USP15: variants seen among roughly 807,000 people sequenced by gnomAD.
The protein encoded by USP15 is ubiquitin specific peptidase 15, also known as ubiquitin carboxyl-terminal hydrolase 15.
In USP15, 18 loss-of-function variants were observed where a neutral mutation model predicts 127.1. The observed-to-expected ratio is 0.14, with a 90% CI of 0.10 to 0.21. The LOEUF is 0.21. Ranked by LOEUF, USP15 falls within the 10% of genes least tolerant of loss-of-function variation. The pLI, the probability that USP15 is intolerant of heterozygous loss-of-function variation, is 1.00. For missense variants in USP15, 805 were observed against 1,159.9 expected, an observed-to-expected ratio of 0.69 and a Z score of 4.44; for synonymous variants, 364 against 393.7, an observed-to-expected ratio of 0.92 and a Z score of 0.89.
At position 62,384,115 on chromosome 12, in the gene USP15, G is replaced by T; in HGVS notation, c.1286G>T (p.Arg429Leu). Residue 429 changes from arginine to leucine, a missense_variant, in exon 11 of 22, where the codon CGA (arginine) becomes CTA (leucine). Physicochemically the swap from Arg to Leu is moderately radical, Grantham distance 102. Around this residue, in one of 11 missense-constraint regions of USP15, gnomAD observed 84 missense variants for 210.3 expected, o/e 0.40. Transcript: ENST00000280377. ...GAAGCCTGGGAAAACCATTTAAAAC[G>T]AAATGATTCTATCATAGTAGATATA... is the stretch of plus-strand genomic sequence containing the variant. ...AEEAWENHLK[R>L]NDSIIVDIFH... 1 of 1,612,648 alleles carries T rather than the reference G, an allele frequency of 6.2e-7. No homozygotes were observed. Among genetic ancestry groups the T allele is most frequent in the Admixed American group, 1.7e-5 (1 of 59,926 alleles).
At chr12:62,361,176 A>C (rs1010652435) in intron 8 of USP15, among the ~76,000 whole-genome samples, 4 of 152,170 alleles carry the variant, frequency 2.6e-5, no homozygotes, top group African/African-American at 9.6e-5. Context: ...GTTCACAACT[A>C]GGGGAAAAAT....
chr12:62,298,918 C>T (rs538174632), intron 2 of USP15, among the ~76,000 whole-genome samples: 23 of 150,822 alleles, frequency 1.5e-4, no homozygotes, highest in South Asian at 6.3e-4. Flanking sequence ...TCTACATTCA[C>T]GAAGCCCAAA....
intron 19 of USP15, 87 bp from the exon 20 acceptor site, chr12:62,396,202 ATATATG>A: frequency 1.3e-6 from 1 of 777,644 alleles, no homozygotes; most frequent in Admixed American, 3.0e-5. Context: ...ATATAGATAT[ATATATG>A]TATGTCAAAC....
intron 1 of USP15, among the ~76,000 whole-genome samples, chr12:62,291,694 G>A (rs2063974560): frequency 6.6e-6 from 1 of 152,184 alleles, no homozygotes. Flanking sequence ...GGATGTGACT[G>A]TAATGTATGT....
chr12:62,393,353 A>C, intron 19 of USP15, 151 bp downstream of exon 19: 2 of 766,922 alleles, frequency 2.6e-6, no homozygotes, highest in Non-Finnish European at 3.8e-6. Flanking sequence ...ACAGTTTATA[A>C]GGATCAGTGT....
chr12:62,378,554 G>C (rs558921906), intron 8 of USP15, among the ~76,000 whole-genome samples: 45 of 152,080 alleles, frequency 3.0e-4, no homozygotes, highest in Non-Finnish European at 5.4e-4. Flanking sequence ...GTTGTTATTT[G>C]TTAACATTGA....
rs1269493128 is a variant in USP15 at position 62,302,866 on chromosome 12, T to C, written c.294T>C (p.Asn98=). The change falls in exon 3 of 22, where the codon AAT becomes AAC. Residue 98 remains asparagine (N), a synonymous_variant. Coordinates refer to ENST00000280377, the MANE Select transcript of USP15 (RefSeq NM_001252078.2). ...DYILLPTEGW[N]KLVSWYTLME... ...TACTGTTGCCAACTGAAGGTTGGAA[T>C]AAACTTGTCAGCTGGTACACATTGA... 2.5e-6 allele frequency: 4 copies of C among 1,613,032 alleles called. No individual in the cohort carries two copies. The highest frequency in any genetic ancestry group is 3.4e-6 in the Non-Finnish European group (4 of 1,179,352).
chr12:62,321,961 G>A (rs539284465), intron 5 of USP15, among the ~76,000 whole-genome samples: 2 of 152,248 alleles, frequency 1.3e-5, no homozygotes, highest in African/African-American at 4.8e-5. Context: ...AGGCCATAAA[G>A]TAGCATCTAA....
intron 6 of USP15, among the ~76,000 whole-genome samples, chr12:62,342,593 G>T (rs1228158519): frequency 2.6e-5 from 4 of 151,986 alleles, no homozygotes; most frequent in Admixed American, 6.6e-5. Flanking sequence ...GGTTTTTATT[G>T]GGGGGTCTTT....
chr12:62,354,235 G>A (rs79347155), intron 7 of USP15, among the ~76,000 whole-genome samples: 3,341 of 151,424 alleles, frequency 0.022, 124 homozygotes, highest in African/African-American at 0.075. Flanking sequence ...CGTCCTATAT[G>A]GAATAATAAA....
chr12:62,355,272 T>A, intron 7 of USP15, 59 bp from the exon 8 acceptor site: 1 of 1,433,130 alleles, frequency 7.0e-7, no homozygotes, highest in Non-Finnish European at 9.4e-7. Flanking sequence ...TAAAGTACTC[T>A]TTATTATAAA....
At chr12:62,389,205 T>C (rs1222629374) in intron 11 of USP15, among the ~76,000 whole-genome samples, 2 of 151,978 alleles carry the variant, frequency 1.3e-5, no homozygotes, top group Non-Finnish European at 2.9e-5. Context: ...TTGACTGAGG[T>C]TGAATTAATG....
chr12:62,333,490 G>A (rs1305819090), intron 6 of USP15, among the ~76,000 whole-genome samples: 3 of 151,948 alleles, frequency 2.0e-5, no homozygotes, highest in Non-Finnish European at 4.4e-5. Context: ...TAAAGATGGG[G>A]TTTCACCATG....
intron 5 of USP15, among the ~76,000 whole-genome samples, chr12:62,324,679 A>G (rs750235155): frequency 6.6e-6 from 1 of 152,006 alleles, no homozygotes; most frequent in Non-Finnish European, 1.5e-5. Flanking sequence ...TATGGTACAA[A>G]TACACTTTTT....
intron 6 of USP15, chr12:62,327,834 T>TC (rs1323193641): frequency 3.7e-6 from 1 of 267,322 alleles, no homozygotes; most frequent in Non-Finnish European, 7.4e-6. Flanking sequence ...TTTCACTGGA[T>TC]CTACTAGTTG....
chr12:62,399,271 G>T (rs1273443756), intron 20 of USP15, among the ~76,000 whole-genome samples: 1 of 152,214 alleles, frequency 6.6e-6, no homozygotes, highest in Non-Finnish European at 1.5e-5. Flanking sequence ...CAGAGGTCCT[G>T]TGTAGCTGGA....
chr12:62,294,219 T>C lies in USP15; in HGVS notation c.130T>C (p.Tyr44His). The part of the protein sequence containing the change: ...DSRWFKQWKK[Y>H]VGFDSWDKYQ... Reference sequence around the variant, plus strand: ...TCGCTGGTTCAAACAGTGGAAAAAATATGTTGGCTTTGACAGTTGGGACAA... The same window carrying C: ...TCGCTGGTTCAAACAGTGGAAAAAACATGTTGGCTTTGACAGTTGGGACAA... Residue 44 changes from tyrosine to histidine, a missense_variant, in exon 2 of 22, where the codon TAT becomes CAT. Physicochemically the swap from Tyr to His is moderately conservative, Grantham distance 83. Transcript: ENST00000280377. 6.2e-7 allele frequency: 1 copy of C among 1,613,626 alleles called. No individual in the cohort carries two copies. The highest frequency in any genetic ancestry group is 8.5e-7 in the Non-Finnish European group (1 of 1,179,750).
At chr12:62,372,728 C>T (rs2066714457) in intron 8 of USP15, among the ~76,000 whole-genome samples, 1 of 151,914 alleles carries the variant, frequency 6.6e-6, no homozygotes, top group South Asian at 2.1e-4. Context: ...TCTTGCTTGC[C>T]TAAAAAGTTA....
In USP15 at chr12:62,402,638, CAAAG is replaced by C. The variant is rs757728171; in HGVS notation, c.2763+1364_2763+1367del. Among the ~76,000 whole-genome samples the C allele has an allele frequency of 2.6e-5, 4 of 152,090 alleles. No homozygotes were observed. In the East Asian group the frequency reaches 5.8e-4, roughly 22 times the overall value. On this transcript the variant is annotated intron_variant, in intron 21 of 21. Transcript: ENST00000280377. ...GAACAGCACATAATTGGATGTGACT[CAAAG>C]GAAAAGCTCTTAAAGGGACATGGGG...
Sources: allele counts gnomAD v4.1 joint callset (sites outside exome capture counted in the v4.1 genomes callset), GRCh38; gene constraint gnomAD v4.1.1; regional missense constraint gnomAD v4.1.1; transcripts MANE v1.5; gene names NCBI Gene and HGNC (gene_info 2026-07-23, HGNC 2026-07-21).